Variants in ATP11A observed in about 807,000 individuals in gnomAD.
The protein encoded by ATP11A is ATPase phospholipid transporting 11A.
A neutral mutation model predicts 154.4 loss-of-function variants in ATP11A; 81 were observed. That is an observed-to-expected ratio of 0.52 (90% CI 0.44 to 0.63). The LOEUF is 0.63. ATP11A is among the 30% of genes least tolerant of loss of function. ATP11A has a pLI of 0.00. For synonymous variants in ATP11A, 623 were observed against 585.9 expected, an observed-to-expected ratio of 1.06 and a Z score of -0.91; for missense variants, 1,316 against 1,474.3, an observed-to-expected ratio of 0.89 and a Z score of 1.76.
chr13:112,840,716 A>G (rs1027906007), intron 16 of ATP11A, among the ~76,000 whole-genome samples: 6 of 151,718 alleles, frequency 4.0e-5, no homozygotes, highest in African/African-American at 1.5e-4. Flanking sequence ...CCATGTTCCC[A>G]CAGCTTCCCT....
Position 112,886,750 on chromosome 13 carries a change from TATA to T in ATP11A, c.*4887_*4889del, listed in dbSNP as rs1224153232. The T allele has an allele frequency of 2.0e-5, 3 of 152,588 alleles. No homozygotes were observed. The highest frequency in any genetic ancestry group is 6.5e-5 in the Admixed American group (1 of 15,292). 9.5% of individuals were successfully genotyped at this position (152,588 alleles called of 1,614,324 possible). ...GCATATATTGTGTCTGACTTAAAAT[TATA>T]ATGTCTGCGTCACCATTTAAAATGT... On this transcript the variant is annotated 3_prime_UTR_variant, in exon 30 of 30. Transcript: ENST00000375645.
In ATP11A at chr13:112,859,370, AAC is replaced by A; in HGVS notation, c.2668-21_2668-20del. The A allele has an allele frequency of 1.7e-5, 27 of 1,611,284 alleles. No individual in the cohort carries two copies. Among genetic ancestry groups the A allele is most frequent in the East Asian group, 2.2e-5 (1 of 44,846 alleles). ...CCTCCCTCTGTCCCGTCACCGAACT[AAC>A]AGTTATGCCTTGCCTTTCAGAACGT... On this transcript the variant is annotated intron_variant, in intron 22 of 29. Transcript: ENST00000375645. This position sits in a 1 kb window ranked among gnomAD's most constrained non-coding sequence, Gnocchi z 4.3.
chr13:112,722,283 G>A (rs1934663703), intron 1 of ATP11A, among the ~76,000 whole-genome samples: 1 of 146,474 alleles, frequency 6.8e-6, no homozygotes, highest in Admixed American at 6.9e-5. Flanking sequence ...GGGGGTAGGG[G>A]GACCGGGGAG....
Position 112,855,998 on chromosome 13 carries a change from CG to C in ATP11A, c.2333del (p.Gly778AlafsTer33). 1 of 1,614,216 alleles carries C rather than the reference CG, an allele frequency of 6.2e-7. No individual in the cohort carries two copies. Among genetic ancestry groups the C allele is most frequent in the Non-Finnish European group, 8.5e-7 (1 of 1,180,044 alleles). The stretch of plus-strand genomic sequence containing the variant: ...TGAAGCCTCGAGAAGACGGGAGTTC[CG>C]GCAACTACAGGGAGCTCTTCCTGGA... Reference protein sequence around the residue: ...IMKPREDGSSGNYRELFLEIC... With the variant: ...IMKPREDGSSXNYRELFLEIC... On this transcript the variant is annotated frameshift_variant, in exon 20 of 30. Transcript: ENST00000375645.
chr13:112,842,760 A>C (rs937869877), intron 17 of ATP11A, among the ~76,000 whole-genome samples: 1 of 152,258 alleles, frequency 6.6e-6, no homozygotes, highest in Non-Finnish European at 1.5e-5. Context: ...TTCAAAACAA[A>C]TCAGCACTTT....
chr13:112,771,385 A>G (rs1157390228), intron 1 of ATP11A, among the ~76,000 whole-genome samples: 1 of 152,214 alleles, frequency 6.6e-6, no homozygotes, highest in Non-Finnish European at 1.5e-5. Flanking sequence ...GGGTTCTGGG[A>G]CGGGCGCAGG....
At chr13:112,835,403 G>C (rs920889207) in intron 15 of ATP11A, among the ~76,000 whole-genome samples, 3 of 152,240 alleles carry the variant, frequency 2.0e-5, no homozygotes, top group African/African-American at 7.2e-5. Flanking sequence ...GGAAGAGAAA[G>C]GACAAATCCC....
Position 112,860,268 on chromosome 13 carries a change from T to G in ATP11A, c.2728-19T>G, listed in dbSNP as rs370467476. ...AACAATGCACTGAGGTGCCACTTCTTGTGACTTTCCTCTTACAGACTTTGT... is the reference window on the plus strand; with the variant it reads ...AACAATGCACTGAGGTGCCACTTCTGGTGACTTTCCTCTTACAGACTTTGT... On this transcript the variant is annotated intron_variant, in intron 23 of 29. Transcript: ENST00000375645. 53 of 1,607,274 alleles carry G rather than the reference T, an allele frequency of 3.3e-5. No individual in the cohort carries two copies. Among genetic ancestry groups the G allele is most frequent in the Non-Finnish European group, 4.4e-5 (52 of 1,175,460 alleles).
At position 112,854,458 on chromosome 13, in the gene ATP11A, A is replaced by G. The variant is rs1450002226; in HGVS notation, c.2171A>G (p.His724Arg). ...AAGAGGATCGAGGAGCAGAGCCTGC[A>G]CGACGTCCTGTTCGAGCTGAGCAAG... Reference protein sequence around the residue: ...TTKRIEEQSLHDVLFELSKTV... With the variant: ...TTKRIEEQSLRDVLFELSKTV... The change falls in exon 19 of 30, where the codon CAC (histidine) becomes CGC (arginine). Residue 724 changes from histidine (H) to arginine (R), a missense_variant. Transcript: ENST00000375645. The G allele has an allele frequency of 6.2e-7, 1 of 1,612,592 alleles. No homozygotes were observed.
intron 28 of ATP11A, among the ~76,000 whole-genome samples, chr13:112,876,434 T>G (rs927625614): frequency 1.2e-4 from 18 of 151,992 alleles, no homozygotes; most frequent in African/African-American, 4.1e-4. Flanking sequence ...GGTGCAGGGT[T>G]TGGCAGGTGT....
Position 112,881,495 on chromosome 13 carries a change from T to G in ATP11A, c.*10-381T>G, listed in dbSNP as rs1030322315. On this transcript the variant is annotated intron_variant, in intron 29 of 29. Transcript: ENST00000375645. ...AGGAAGCCAGCTACAGGGAGGAAGC[T>G]CGTAGGTTTCCCGTCCATGGCCTGT... 11 of 1,104,090 alleles carry G rather than the reference T, an allele frequency of 1.0e-5. No homozygotes were observed. The African/African-American group carries it at 1.8e-4, about 18-fold the overall frequency. The allele number at this position is 1,104,090 out of a possible 1,614,324, so 68.4% of individuals were successfully genotyped here.
At chr13:112,802,205 G>T (rs1396042226) in intron 2 of ATP11A, among the ~76,000 whole-genome samples, 3 of 152,086 alleles carry the variant, frequency 2.0e-5, no homozygotes, top group Non-Finnish European at 4.4e-5. Context: ...AATTAGCCGG[G>T]CGTGGTGGTG....
At chr13:112,864,096 GTCC>G (rs2080229011) in intron 25 of ATP11A, among the ~76,000 whole-genome samples, 1 of 86,072 alleles carries the variant, frequency 1.2e-5, no homozygotes, top group Admixed American at 1.4e-4. Flanking sequence ...TCTCAGCGGG[GTCC>G]ATCACCACCT....
At position 112,782,680 on chromosome 13, in the gene ATP11A, C is replaced by CGGA. The variant is rs570270355; in HGVS notation, c.40-2446_40-2444dup. Among the ~76,000 whole-genome samples, 466 of 152,292 alleles carry CGGA rather than the reference C, an allele frequency of 3.1e-3. 3 individuals are homozygous for CGGA. Among genetic ancestry groups the CGGA allele is most frequent in the African/African-American group, 0.011 (452 of 41,566 alleles). ...CCCGTCAGGCAGGGAGACCCAGTCCCGGAGGAGGAGGGCCCGTCCTCGTGG... is the reference window on the plus strand; with the variant it reads ...CCCGTCAGGCAGGGAGACCCAGTCCCGGAGGAGGAGGAGGGCCCGTCCTCGTGG... On this transcript the variant is annotated intron_variant, in intron 1 of 29. Coordinates refer to ENST00000375645, the MANE Select transcript of ATP11A (RefSeq NM_015205.3).
chr13:112,840,331 C>T (rs867291031), intron 16 of ATP11A, among the ~76,000 whole-genome samples: 24 of 128,760 alleles, frequency 1.9e-4, no homozygotes, highest in African/African-American at 7.0e-4. Flanking sequence ...CTCCCGTGCC[C>T]TCCAGACTCA....
chr13:112,844,660 G>A (rs974113572), intron 17 of ATP11A, among the ~76,000 whole-genome samples: 12 of 152,180 alleles, frequency 7.9e-5, no homozygotes, highest in African/African-American at 2.9e-4. Context: ...GTTCATTTCT[G>A]TCGTGAGGAA....
At chr13:112,704,152 A>G (rs1594343845) in intron 1 of ATP11A, among the ~76,000 whole-genome samples, 2 of 152,310 alleles carry the variant, frequency 1.3e-5, no homozygotes, top group East Asian at 3.9e-4. Flanking sequence ...GTCAGCCACC[A>G]TGTGGGTTCC....
At chr13:112,871,835 C>G in intron 26 of ATP11A, 35 bp downstream of exon 26, 1 of 1,590,400 alleles carries the variant, frequency 6.3e-7, no homozygotes, top group Middle Eastern at 1.7e-4. Flanking sequence ...CTCCCCCAGC[C>G]ACAGTGAACC....
rs764120246 is a variant in ATP11A at position 112,873,599 on chromosome 13, T to G, written c.3084T>G (p.Thr1028=). Residue 1028 remains threonine, a synonymous_variant, in exon 27 of 30, where the codon ACT becomes ACG. Transcript: ENST00000375645. ...LKLALDTHYW[T]WINHFVIWGS... ...TTGCATTGGACACACACTACTGGAC[T>G]TGGATCAACCATTTTGTCATCTGGG... 21 of 1,612,598 alleles carry G rather than the reference T, an allele frequency of 1.3e-5. No individual in the cohort carries two copies. In the Middle Eastern group the frequency reaches 4.9e-4, roughly 38 times the overall value.
Sources: gnomAD v4.1 joint callset for allele counts (sites outside exome capture counted in the v4.1 genomes callset) on GRCh38, gnomAD v4.1.1 for gene constraint, Gnocchi (gnomAD v3.1) non-coding constraint, MANE v1.5 for transcripts, NCBI Gene and HGNC (gene_info 2026-07-23, HGNC 2026-07-21) for gene names.